NHSL2: variants seen among roughly 807,000 people sequenced by gnomAD.
NHSL2 encodes NHS like 2, also known as NHS-like protein 2.
NHSL2 carries 27 observed loss-of-function variants against 53.4 expected under a neutral mutation model. That is an observed-to-expected ratio of 0.51 (90% CI 0.37 to 0.70). The LOEUF is 0.70. Ranked by LOEUF, NHSL2 falls within the 30% of genes least tolerant of loss-of-function variation. NHSL2 has a pLI of 0.00. For synonymous variants in NHSL2, 408 were observed against 404.1 expected (o/e 1.01, Z -0.12); for missense variants, 892 against 980.1 (o/e 0.91, Z 1.20).
chrX:72,091,896 T>C (rs150192980), intron 1 of NHSL2, among the ~76,000 whole-genome samples: 14,433 of 111,131 alleles, frequency 0.13, 1,269 homozygotes, highest in African/African-American at 0.32. Flanking sequence ...AAGCCAGGAC[T>C]AGGAAGCCTG....
At chrX:72,124,466 C>T (rs1204173829) in intron 1 of NHSL2, among the ~76,000 whole-genome samples, 2 of 111,337 alleles carry the variant, frequency 1.8e-5, no homozygotes, top group African/African-American at 6.5e-5. Context: ...CTCCAGGGAG[C>T]TCTAGGGGAA....
At chrX:72,093,398 G>T (rs140178352) in intron 1 of NHSL2, among the ~76,000 whole-genome samples, 4,480 of 112,301 alleles carry the variant, frequency 0.04, 221 homozygotes, top group African/African-American at 0.14. Context: ...CCTTGGCCAG[G>T]TCCCTACATG....
At chrX:71,938,775 C>T in intron 1 of NHSL2, among the ~76,000 whole-genome samples, 1 of 112,996 alleles carries the variant, frequency 8.8e-6, no homozygotes, top group South Asian at 3.6e-4. Context: ...AAGGTATGAG[C>T]TGATAGCTCA....
intron 1 of NHSL2, among the ~76,000 whole-genome samples, chrX:72,110,238 G>A (rs758841043): frequency 2.7e-5 from 3 of 111,470 alleles, no homozygotes; most frequent in African/African-American, 6.5e-5. Context: ...CACCTACTGC[G>A]ACAGAACCCG....
chrX:72,106,616 T>C (rs1175483530), intron 1 of NHSL2, among the ~76,000 whole-genome samples: 2 of 111,602 alleles, frequency 1.8e-5, no homozygotes, highest in Non-Finnish European at 3.8e-5. Context: ...CATTACTGGG[T>C]ATATACCCAG....
chrX:71,941,932 G>C (rs1207212230), intron 1 of NHSL2, among the ~76,000 whole-genome samples: 1 of 111,423 alleles, frequency 9.0e-6, no homozygotes, highest in Non-Finnish European at 1.9e-5. Flanking sequence ...CGAGCTGCTG[G>C]GTCTGCTCAT....
In NHSL2 at chrX:72,140,366, G is replaced by A. The variant is rs2042406249; in HGVS notation, c.2818G>A (p.Glu940Lys). The change falls in exon 6 of 8, where the codon GAG becomes AAG. Residue 940 changes from glutamate to lysine, a missense_variant. By Grantham distance (56) the Glu-to-Lys change is moderately conservative. Coordinates refer to ENST00000633930, the MANE Select transcript of NHSL2 (RefSeq NM_001013627.3). ...SSFPDGRSPG[E>K]STAPSSLVFT... ...CTTCCCAGATGGCAGAAGCCCAGGG[G>A]AGTCAACAGCACCCTCATCTCTTGT... 1 of 1,209,335 alleles carries A rather than the reference G, an allele frequency of 8.3e-7. No individual in the cohort carries two copies. The highest frequency in any genetic ancestry group is 2.2e-5 in the Admixed American group (1 of 45,751).
intron 1 of NHSL2, among the ~76,000 whole-genome samples, chrX:72,001,638 CT>C (rs1338960964): frequency 9.0e-6 from 1 of 111,526 alleles, no homozygotes; most frequent in African/African-American, 3.3e-5. Context: ...GAAGTTGCCC[CT>C]CCCCCCAGGA....
In NHSL2 at chrX:72,140,008, G is replaced by A. The variant is rs1182065977; in HGVS notation, c.2460G>A (p.Met820Ile). Residue 820 changes from methionine to isoleucine, a missense_variant, in exon 6 of 8, where the codon ATG becomes ATA. Transcript: ENST00000633930. ...AQKTNPNQPI[M>I]PMVTQSDLRS... Reference sequence around the variant, plus strand: ...AAACTAATCCCAACCAGCCAATCATGCCTATGGTTACTCAGTCCGACCTAC... The same window carrying A: ...AAACTAATCCCAACCAGCCAATCATACCTATGGTTACTCAGTCCGACCTAC... The A allele has an allele frequency of 8.3e-7, 1 of 1,208,527 alleles. No individual in the cohort carries two copies. The highest frequency in any genetic ancestry group is 1.1e-6 in the Non-Finnish European group (1 of 894,513).
intron 1 of NHSL2, among the ~76,000 whole-genome samples, chrX:72,087,890 CA>C (rs1447818368): frequency 3.7e-5 from 4 of 109,563 alleles, no homozygotes; most frequent in African/African-American, 6.7e-5. Context: ...AACAAATAAA[CA>C]AAAAAAGTTG....
intron 1 of NHSL2, among the ~76,000 whole-genome samples, chrX:72,049,655 A>G (rs1006725876): frequency 2.8e-5 from 3 of 108,435 alleles, no homozygotes; most frequent in Admixed American, 2.0e-4. Context: ...TCACTCCTCT[A>G]TAACTCCATC....
intron 1 of NHSL2, among the ~76,000 whole-genome samples, chrX:72,091,310 C>T (rs1602361127): frequency 1.8e-5 from 2 of 111,751 alleles, no homozygotes; most frequent in East Asian, 2.8e-4. Context: ...AAAAATTAGC[C>T]AGGCGTGGTG....
chrX:71,986,730 C>T (rs2042004462), intron 1 of NHSL2, among the ~76,000 whole-genome samples: 1 of 111,890 alleles, frequency 8.9e-6, no homozygotes, highest in Non-Finnish European at 1.9e-5. Flanking sequence ...GATCAATCTT[C>T]TAAGAAAACC....
At chrX:72,123,317 G>A (rs1328178935) in intron 1 of NHSL2, among the ~76,000 whole-genome samples, 2 of 112,301 alleles carry the variant, frequency 1.8e-5, no homozygotes, top group Non-Finnish European at 3.8e-5. Context: ...TAATTAATGA[G>A]CAGATAGGGA....
At chrX:71,974,400 C>T (rs929066221) in intron 1 of NHSL2, among the ~76,000 whole-genome samples, 5 of 111,778 alleles carry the variant, frequency 4.5e-5, no homozygotes, top group Admixed American at 2.8e-4. Context: ...TAAATGTTGA[C>T]GTTTTGCAAA....
At position 71,984,892 on chromosome X, in the gene NHSL2, C is replaced by T. The variant is rs756246877; in HGVS notation, c.280+73525C>T. 7.5e-4 allele frequency among the ~76,000 whole-genome samples: 78 copies of T among 103,707 alleles called. 1 individual carries two copies. Among genetic ancestry groups the T allele is most frequent in the African/African-American group, 2.6e-3 (73 of 28,079 alleles). 90.1% of individuals were successfully genotyped at this position (103,707 alleles called of 115,157 possible). ...AGGCTGGAGTGCAGTGGCACGATCTCGGCTCACTGCAAGCTCTGCCTCCCG... is the reference window on the plus strand; with the variant it reads ...AGGCTGGAGTGCAGTGGCACGATCTTGGCTCACTGCAAGCTCTGCCTCCCG... On this transcript the variant is annotated intron_variant, in intron 1 of 7. Transcript: ENST00000633930.
chrX:72,001,855 T>C (rs759775417), intron 1 of NHSL2, among the ~76,000 whole-genome samples: 2 of 112,645 alleles, frequency 1.8e-5, no homozygotes, highest in East Asian at 5.5e-4. Context: ...CCCAAGGGAC[T>C]CATGTCCTCT....
At position 72,033,097 on chromosome X, in the gene NHSL2, A is replaced by G. The variant is rs749570592; in HGVS notation, c.281-98982A>G. Among the ~76,000 whole-genome samples the G allele has an allele frequency of 5.4e-5, 6 of 110,794 alleles. 1 individual carries two copies. In the South Asian group the frequency reaches 1.1e-3, roughly 21 times the overall value. On this transcript the variant is annotated intron_variant, in intron 1 of 7. Transcript: ENST00000633930. ...CCTTTCCACGTAAATTTTAGAATATAGTTGTCTATATCTATAAAAAGAAAA... is the reference window on the plus strand; with the variant it reads ...CCTTTCCACGTAAATTTTAGAATATGGTTGTCTATATCTATAAAAAGAAAA...
chrX:72,079,385 C>T (rs181264249), intron 1 of NHSL2, among the ~76,000 whole-genome samples: 1,166 of 112,074 alleles, frequency 0.01, 13 homozygotes, highest in African/African-American at 0.036. Flanking sequence ...GCAGGGTTCT[C>T]CTGATGCCAC....
Sources: gnomAD v4.1 joint callset for allele counts (sites outside exome capture counted in the v4.1 genomes callset) on GRCh38, gnomAD v4.1.1 for gene constraint, MANE v1.5 for transcripts, NCBI Gene and HGNC (gene_info 2026-07-23, HGNC 2026-07-21) for gene names.